Variants in IPO11 observed in about 807,000 individuals in gnomAD.
IPO11 encodes importin-11.
Under a neutral mutation model 143.2 loss-of-function variants are expected in IPO11, and 66 were observed. That is an observed-to-expected ratio of 0.46 (90% confidence interval 0.38 to 0.57). The LOEUF (loss-of-function observed/expected upper bound fraction) is 0.57, where lower values mean the gene tolerates loss of function less well. IPO11 is among the 20% of genes least tolerant of loss of function. The probability of loss-of-function intolerance (pLI) is 0.00; values close to 1 mark genes in which losing one functional copy is unlikely to be tolerated. For missense variants in IPO11, 1,026 were observed against 1,141.0 expected (o/e 0.90, Z 1.45); for synonymous variants, 385 against 377.8 (o/e 1.02, Z -0.22).
chr5:62,570,810 C>T (rs956658255), intron 27 of IPO11, among the ~76,000 whole-genome samples: 3 of 152,198 alleles, frequency 2.0e-5, no homozygotes, highest in African/African-American at 7.2e-5. Context: ...CTTAGCTAAT[C>T]ACTGACCATT....
intron 1 of IPO11, among the ~76,000 whole-genome samples, chr5:62,416,067 G>A (rs1466838882): frequency 1.3e-5 from 2 of 151,918 alleles, no homozygotes; most frequent in African/African-American, 4.8e-5. Flanking sequence ...TTGGTTTCCT[G>A]TAAGACCTCC....
rs1030443608 is a variant in IPO11 at position 62,537,150 on chromosome 5, A to G, written c.2170-59A>G. 4 of 974,864 alleles carry G rather than the reference A, an allele frequency of 4.1e-6. No homozygotes were observed. In the African/African-American group the frequency reaches 6.5e-5, roughly 16 times the overall value. 60.4% of individuals were successfully genotyped at this position (974,864 alleles called of 1,614,324 possible). Reference sequence around the variant, plus strand: ...TATAATGAATCCCAAATGAAATTTTATGCCTTTTTGATATTACAGATATAT... The same window carrying G: ...TATAATGAATCCCAAATGAAATTTTGTGCCTTTTTGATATTACAGATATAT... On this transcript the variant is annotated intron_variant, in intron 23 of 29. Transcript: ENST00000325324.
At chr5:62,504,106 C>T (rs181187524) in intron 16 of IPO11, among the ~76,000 whole-genome samples, 173 of 152,250 alleles carry the variant, frequency 1.1e-3, no homozygotes, top group African/African-American at 3.9e-3. Context: ...CATGCTGGTA[C>T]ACATGGAAAA....
intron 16 of IPO11, among the ~76,000 whole-genome samples, chr5:62,496,921 C>T (rs916095210): frequency 6.6e-6 from 1 of 152,214 alleles, no homozygotes; most frequent in African/African-American, 2.4e-5. Context: ...GAGACATTCT[C>T]TGCCCAGCGG....
At chr5:62,498,743 A>G (rs1041218836) in intron 16 of IPO11, among the ~76,000 whole-genome samples, 1 of 152,260 alleles carries the variant, frequency 6.6e-6, no homozygotes, top group East Asian at 1.9e-4. Context: ...GGTGGCGGGC[A>G]CCTGTAGTCC....
intron 9 of IPO11, among the ~76,000 whole-genome samples, chr5:62,479,779 AG>A (rs2112216632): frequency 6.6e-6 from 1 of 152,050 alleles, no homozygotes; most frequent in South Asian, 2.1e-4. Flanking sequence ...ACTTTTTGAT[AG>A]GGTTGTTTGA....
intron 1 of IPO11, among the ~76,000 whole-genome samples, chr5:62,419,682 A>G (rs1363328406): frequency 6.6e-6 from 1 of 152,076 alleles, no homozygotes; most frequent in Admixed American, 6.6e-5. Context: ...TAGGAGTAGT[A>G]CATTGTAAAA....
At chr5:62,515,786 T>C (rs1437233970) in intron 20 of IPO11, among the ~76,000 whole-genome samples, 1 of 152,210 alleles carries the variant, frequency 6.6e-6, no homozygotes, top group African/African-American at 2.4e-5. Context: ...GCATGCAGTT[T>C]CCTTGGTGGT....
At chr5:62,492,832 C>T (rs1267584636) in intron 15 of IPO11, among the ~76,000 whole-genome samples, 2 of 152,102 alleles carry the variant, frequency 1.3e-5, no homozygotes, top group Non-Finnish European at 2.9e-5. Context: ...CCACTGCACC[C>T]GGCCCAGTTT....
chr5:62,567,987 A>G (rs1220113546), intron 27 of IPO11, among the ~76,000 whole-genome samples: 1 of 149,696 alleles, frequency 6.7e-6, no homozygotes, highest in African/African-American at 2.5e-5. Flanking sequence ...ATTGATTGAG[A>G]CAGGGTCTTG....
At chr5:62,461,243 G>A (rs1580205748) in intron 5 of IPO11, among the ~76,000 whole-genome samples, 1 of 152,158 alleles carries the variant, frequency 6.6e-6, no homozygotes, top group East Asian at 1.9e-4. Context: ...TGGGGGGATG[G>A]GGGGTTGAGA....
intron 18 of IPO11, 151 bp downstream of exon 18, chr5:62,505,049 T>C (rs569399471): frequency 2.6e-5 from 12 of 453,788 alleles, no homozygotes; most frequent in Non-Finnish European, 4.2e-5. Flanking sequence ...GGACATAATT[T>C]TTATTTGTAA....
At chr5:62,616,818 T>C (rs1411518608) in intron 29 of IPO11, among the ~76,000 whole-genome samples, 83 of 151,928 alleles carry the variant, frequency 5.5e-4, no homozygotes, top group Admixed American at 5.4e-3. Flanking sequence ...ACAATTTTGC[T>C]CTGTCAGCAG....
chr5:62,581,360 C>T (rs768277061), intron 27 of IPO11: 58 of 1,263,654 alleles, frequency 4.6e-5, no homozygotes, highest in Admixed American at 6.6e-5. Flanking sequence ...ATGATTTAAA[C>T]TGAAACCTCC....
At chr5:62,578,987 T>C (rs1744431983) in intron 27 of IPO11, 2 of 238,624 alleles carry the variant, frequency 8.4e-6, no homozygotes, top group South Asian at 4.8e-5. Flanking sequence ...AAAATAGTTC[T>C]GTGAAAAACT....
At chr5:62,502,513 T>G (rs949197849) in intron 16 of IPO11, among the ~76,000 whole-genome samples, 7 of 152,232 alleles carry the variant, frequency 4.6e-5, no homozygotes, top group Non-Finnish European at 1.0e-4. Context: ...GTCTGTGTTT[T>G]TTTATTTTCC....
rs186863468 is a variant in IPO11 at position 62,583,978 on chromosome 5, A to G, written c.2583-7599A>G. The stretch of plus-strand genomic sequence containing the variant: ...AATTTAATGTGACTGTGTCTGAGGA[A>G]GAATAGAATCCATTTTTTCCATTGA... On this transcript the variant is annotated intron_variant, in intron 27 of 29. Transcript: ENST00000325324. 2.6e-3 allele frequency among the ~76,000 whole-genome samples: 392 copies of G among 152,324 alleles called. 2 individuals carry two copies. Among genetic ancestry groups the G allele is most frequent in the Middle Eastern group, 0.024 (7 of 294 alleles).
At chr5:62,532,642 G>T (rs542308951) in intron 22 of IPO11, among the ~76,000 whole-genome samples, 1 of 152,312 alleles carries the variant, frequency 6.6e-6, no homozygotes, top group South Asian at 2.1e-4. Flanking sequence ...ACAGGCTTGA[G>T]CCACCATGCC....
chr5:62,540,033 A>G (rs1742874379), intron 24 of IPO11, among the ~76,000 whole-genome samples: 1 of 152,216 alleles, frequency 6.6e-6, no homozygotes, highest in Non-Finnish European at 1.5e-5. Context: ...GCCTGTTTTA[A>G]CCTTTCTCCT....
Sources: allele counts gnomAD v4.1 joint callset (sites outside exome capture counted in the v4.1 genomes callset), GRCh38; gene constraint gnomAD v4.1.1; transcripts MANE v1.5; gene names NCBI Gene and HGNC (gene_info 2026-07-23, HGNC 2026-07-21).